ACAD11: variants seen among roughly 807,000 people sequenced by gnomAD.
ACAD11 encodes the protein acyl-CoA dehydrogenase family member 11, also known as acyl-Coenzyme A dehydrogenase family, member 11.
Under a neutral mutation model 102.2 loss-of-function variants are expected in ACAD11, and 83 were observed. The observed-to-expected ratio is 0.81, with a 90% confidence interval of 0.68 to 0.97. The LOEUF is 0.97. Among genes scored for constraint, ACAD11 ranks in the 50% least tolerant of loss-of-function variants. ACAD11 has a pLI of 0.00. For synonymous variants in ACAD11, 324 were observed against 319.8 expected, an observed-to-expected ratio of 1.01 and a Z score of -0.14; for missense variants, 901 against 951.7, an observed-to-expected ratio of 0.95 and a Z score of 0.70.
Position 132,558,745 on chromosome 3 carries a change from C to A in ACAD11, c.*226G>T. 2.2e-6 allele frequency: 1 copy of A among 464,362 alleles called. No homozygotes were observed. Among genetic ancestry groups the A allele is most frequent in the Non-Finnish European group, 3.8e-6 (1 of 264,980 alleles). 28.8% of individuals were successfully genotyped at this position (464,362 alleles called of 1,614,324 possible). Reference sequence around the variant, plus strand: ...CTGAACTCCTGGCCTCAAGGAGGCACTAGATTGAATGACAACAGCTACAGC... The same window carrying A: ...CTGAACTCCTGGCCTCAAGGAGGCAATAGATTGAATGACAACAGCTACAGC... On this transcript the variant is annotated 3_prime_UTR_variant, in exon 20 of 20. Coordinates refer to ENST00000264990, the MANE Select transcript of ACAD11 (RefSeq NM_032169.5).
intron 17 of ACAD11, among the ~76,000 whole-genome samples, chr3:132,570,405 T>C (rs1212354204): frequency 6.6e-6 from 1 of 152,158 alleles, no homozygotes; most frequent in African/African-American, 2.4e-5. Context: ...CAGCAGACAA[T>C]TACGGTGCTT....
At chr3:132,646,139 G>A (rs1940709125) in intron 1 of ACAD11, among the ~76,000 whole-genome samples, 1 of 152,128 alleles carries the variant, frequency 6.6e-6, no homozygotes, top group African/African-American at 2.4e-5. Context: ...ACCGCACCCG[G>A]CTAATTTTTT....
At chr3:132,581,422 T>C (rs1237942681) in intron 13 of ACAD11, among the ~76,000 whole-genome samples, 1 of 151,818 alleles carries the variant, frequency 6.6e-6, no homozygotes, top group African/African-American at 2.4e-5. Flanking sequence ...AGATAATGGA[T>C]CCCAGGAAAG....
intron 13 of ACAD11, among the ~76,000 whole-genome samples, chr3:132,586,599 C>A (rs560416875): frequency 6.6e-6 from 1 of 152,044 alleles, no homozygotes; most frequent in Non-Finnish European, 1.5e-5. Flanking sequence ...AAATACATGA[C>A]TTATTGTCTA....
At chr3:132,580,664 C>T (rs1937584935) in intron 13 of ACAD11, among the ~76,000 whole-genome samples, 2 of 151,956 alleles carry the variant, frequency 1.3e-5, no homozygotes, top group African/African-American at 4.8e-5. Context: ...ATTGTGGTTA[C>T]ATTTTTTAAA....
chr3:132,573,107 G>A (rs1937429611), intron 17 of ACAD11, among the ~76,000 whole-genome samples: 1 of 152,108 alleles, frequency 6.6e-6, no homozygotes, highest in South Asian at 2.1e-4. Flanking sequence ...TGGCCCCGGT[G>A]TGTGTTGTTC....
At chr3:132,654,044 G>A (rs1054359709) in intron 1 of ACAD11, among the ~76,000 whole-genome samples, 1 of 152,084 alleles carries the variant, frequency 6.6e-6, no homozygotes, top group African/African-American at 2.4e-5. Flanking sequence ...CTCCAAAACT[G>A]AGTTCCTCAA....
At chr3:132,572,949 C>CA (rs1425059662) in intron 17 of ACAD11, among the ~76,000 whole-genome samples, 1 of 152,132 alleles carries the variant, frequency 6.6e-6, no homozygotes, top group South Asian at 2.1e-4. Context: ...TTCCGGGATA[C>CA]AAGTGCAAAA....
At chr3:132,567,314 A>T (rs1937241070) in intron 17 of ACAD11, among the ~76,000 whole-genome samples, 1 of 152,156 alleles carries the variant, frequency 6.6e-6, no homozygotes, top group Admixed American at 6.6e-5. Flanking sequence ...AAGTTAAAGG[A>T]ACTTAAAGGA....
At chr3:132,611,911 C>T (rs984007559) in intron 11 of ACAD11, among the ~76,000 whole-genome samples, 3 of 151,924 alleles carry the variant, frequency 2.0e-5, no homozygotes, top group African/African-American at 7.3e-5. Flanking sequence ...GAGCCTGCAT[C>T]GCCAAGTCAA....
At chr3:132,610,438 G>T (rs766777796) in intron 11 of ACAD11, among the ~76,000 whole-genome samples, 1 of 152,066 alleles carries the variant, frequency 6.6e-6, no homozygotes. Flanking sequence ...CCAGGAGCTG[G>T]TTTTTTGAAA....
chr3:132,639,649 G>GA lies in ACAD11; in HGVS notation c.544_545insT (p.Thr182IlefsTer31). 1.2e-6 allele frequency: 2 copies of GA among 1,612,148 alleles called. No individual in the cohort carries two copies. The highest frequency in any genetic ancestry group is 1.7e-6 in the Non-Finnish European group (2 of 1,179,308). On this transcript the variant is annotated frameshift_variant, in exon 5 of 20. Coordinates refer to ENST00000264990, the MANE Select transcript of ACAD11 (RefSeq NM_032169.5). LOFTEE classifies it high-confidence loss of function. ...TGCAGCTTGATATTGCTTTGTCCAG[G>GA]TTGATACCTAAAGACATATAAATAA...
intron 17 of ACAD11, among the ~76,000 whole-genome samples, chr3:132,566,304 C>CAAAAAAAAAAA (rs1210045595): frequency 2.9e-5 from 4 of 135,834 alleles, no homozygotes; most frequent in East Asian, 2.1e-4. Context: ...CTCAAAAAAA[C>CAAAAAAAAAAA]AAAAAAAAAA....
chr3:132,644,778 T>C lies in ACAD11; in HGVS notation c.249+19A>G. ...TTATTTGTCACCAAAGAATTTATCA[T>C]TACATTTGTATACTATACCTGATGT... On this transcript the variant is annotated intron_variant, in intron 2 of 19. Coordinates refer to ENST00000264990, the MANE Select transcript of ACAD11 (RefSeq NM_032169.5). 1 of 1,491,620 alleles carries C rather than the reference T, an allele frequency of 6.7e-7. No homozygotes were observed. The highest frequency in any genetic ancestry group is 9.1e-7 in the Non-Finnish European group (1 of 1,099,464). 92.4% of individuals were successfully genotyped at this position (1,491,620 alleles called of 1,614,324 possible). A position where few individuals can be genotyped will look rare whatever the true frequency, so the allele number is the denominator to read the frequency against.
chr3:132,637,866 AT>A (rs1429020430), intron 5 of ACAD11, among the ~76,000 whole-genome samples: 1 of 152,106 alleles, frequency 6.6e-6, no homozygotes, highest in East Asian at 1.9e-4. Context: ...TTCTTTCTTA[AT>A]TGTTGTGTTT....
rs1470930569 is a variant in ACAD11 at position 132,583,413 on chromosome 3, T to G, written c.1622-3855A>C. ...GTGGTGATATCCCCTTTATCATTTT[T>G]TATTGCATCTATTTGATTCTTCTCT... On this transcript the variant is annotated intron_variant, in intron 13 of 19. Coordinates refer to ENST00000264990, the MANE Select transcript of ACAD11 (RefSeq NM_032169.5). Among the ~76,000 whole-genome samples the G allele has an allele frequency of 2.0e-5, 3 of 152,222 alleles. No individual in the cohort carries two copies. The South Asian group carries it at 6.2e-4, about 32-fold the overall frequency.
intron 17 of ACAD11, among the ~76,000 whole-genome samples, chr3:132,571,874 G>A (rs1280163676): frequency 2.0e-5 from 3 of 152,138 alleles, no homozygotes; most frequent in African/African-American, 7.2e-5. Context: ...AAACTTTTCT[G>A]TTAAAAACTC....
At chr3:132,636,679 A>G (rs1348164027) in intron 5 of ACAD11, among the ~76,000 whole-genome samples, 1 of 152,214 alleles carries the variant, frequency 6.6e-6, no homozygotes, top group African/African-American at 2.4e-5. Context: ...TAGTGTATGC[A>G]GGTCAAAAAC....
At chr3:132,588,153 C>G (rs1315806434) in intron 13 of ACAD11, among the ~76,000 whole-genome samples, 1 of 152,154 alleles carries the variant, frequency 6.6e-6, no homozygotes, top group African/African-American at 2.4e-5. Flanking sequence ...ACAAAATCAG[C>G]TTGCCTTTGT....
Sources: gnomAD v4.1 joint callset for allele counts (sites outside exome capture counted in the v4.1 genomes callset) on GRCh38, gnomAD v4.1.1 for gene constraint, MANE v1.5 for transcripts, NCBI Gene and HGNC (gene_info 2026-07-23, HGNC 2026-07-21) for gene names.